Variants in PTPRD observed in about 807,000 individuals in gnomAD.
PTPRD encodes protein tyrosine phosphatase receptor type D.
A neutral mutation model predicts 214.5 loss-of-function variants in PTPRD; 34 were observed. The ratio of observed to expected loss-of-function variants is 0.16; its 90% CI spans 0.12 to 0.21. The LOEUF is 0.21. Among genes scored for constraint, PTPRD ranks in the 10% least tolerant of loss-of-function variants. The pLI is 1.00. For missense variants in PTPRD, 2,545 were observed against 2,398.7 expected (o/e 1.06, Z -1.27); for synonymous variants, 1,128 against 845.7 (o/e 1.33, Z -5.79).
chr9:8,560,989 T>C (rs1421061370), intron 14 of PTPRD, among the ~76,000 whole-genome samples: 1 of 150,194 alleles, frequency 6.7e-6, no homozygotes, highest in East Asian at 2.0e-4. Context: ...GTCAAATGCC[T>C]AGTCAGATGG....
At chr9:9,309,494 T>C (rs1239976241) in intron 9 of PTPRD, among the ~76,000 whole-genome samples, 1 of 152,172 alleles carries the variant, frequency 6.6e-6, no homozygotes, top group Non-Finnish European at 1.5e-5. Flanking sequence ...TATTCTAATG[T>C]TTATAATTTT....
chr9:9,695,654 T>C (rs1249900458), intron 7 of PTPRD, among the ~76,000 whole-genome samples: 1 of 152,224 alleles, frequency 6.6e-6, no homozygotes, highest in South Asian at 2.1e-4. Context: ...ATCTATGAAA[T>C]GATCAAATGT....
At chr9:10,303,475 C>G (rs972034887) in intron 3 of PTPRD, among the ~76,000 whole-genome samples, 3 of 151,894 alleles carry the variant, frequency 2.0e-5, no homozygotes, top group Non-Finnish European at 4.4e-5. Flanking sequence ...AATCCAGGAG[C>G]TGTTTTTTAT....
chr9:9,905,988 G>A (rs2077477096), intron 5 of PTPRD, among the ~76,000 whole-genome samples: 1 of 151,898 alleles, frequency 6.6e-6, no homozygotes, highest in South Asian at 2.1e-4. Flanking sequence ...TAAGCCAGAT[G>A]CTCTAGGCAA....
intron 3 of PTPRD, among the ~76,000 whole-genome samples, chr9:10,256,979 A>G (rs2093332816): frequency 6.6e-6 from 1 of 152,136 alleles, no homozygotes. Context: ...TATATACTCT[A>G]TATATCAATA....
intron 3 of PTPRD, among the ~76,000 whole-genome samples, chr9:10,169,345 G>A (rs2099184297): frequency 6.6e-6 from 1 of 151,318 alleles, no homozygotes; most frequent in Admixed American, 6.6e-5. Flanking sequence ...GTGGTGGCGG[G>A]CACCTGTAAT....
At chr9:9,675,859 T>C (rs546286389) in intron 7 of PTPRD, among the ~76,000 whole-genome samples, 34 of 151,966 alleles carry the variant, frequency 2.2e-4, no homozygotes, top group Admixed American at 3.9e-4. Context: ...CAGGCAAAAA[T>C]AGTATGAGAG....
At chr9:8,854,039 A>G (rs1312699248) in intron 11 of PTPRD, among the ~76,000 whole-genome samples, 1 of 152,184 alleles carries the variant, frequency 6.6e-6, no homozygotes, top group Non-Finnish European at 1.5e-5. Flanking sequence ...AATTATATCT[A>G]TATTTAGCAC....
chr9:9,710,268 G>A (rs2097700507), intron 7 of PTPRD, among the ~76,000 whole-genome samples: 1 of 151,840 alleles, frequency 6.6e-6, no homozygotes, highest in Non-Finnish European at 1.5e-5. Flanking sequence ...AGGTTATTTG[G>A]CTAATTTACA....
chr9:10,425,337 A>G (rs1009442078), intron 2 of PTPRD, among the ~76,000 whole-genome samples: 3 of 151,980 alleles, frequency 2.0e-5, no homozygotes, highest in African/African-American at 4.8e-5. Context: ...CATTAAACCA[A>G]TATTTCCCTC....
chr9:9,246,847 G>A (rs1402928239), intron 9 of PTPRD, among the ~76,000 whole-genome samples: 1 of 151,992 alleles, frequency 6.6e-6, no homozygotes, highest in African/African-American at 2.4e-5. Flanking sequence ...GAAGAAGAAT[G>A]TTGTGGTTCA....
At chr9:9,117,217 T>G (rs1434302923) in intron 10 of PTPRD, among the ~76,000 whole-genome samples, 1 of 150,522 alleles carries the variant, frequency 6.6e-6, no homozygotes, top group South Asian at 2.1e-4. Context: ...CTCAGGAAAT[T>G]AAGTTTTTTT....
chr9:9,556,903 G>C (rs1190002833), intron 8 of PTPRD, among the ~76,000 whole-genome samples: 1 of 152,136 alleles, frequency 6.6e-6, no homozygotes. Flanking sequence ...ATCTCAGACA[G>C]TATCTTCAAT....
At chr9:10,372,453 T>C (rs1008959355) in intron 2 of PTPRD, among the ~76,000 whole-genome samples, 1 of 152,116 alleles carries the variant, frequency 6.6e-6, no homozygotes, top group Non-Finnish European at 1.5e-5. Flanking sequence ...CATATCTGGA[T>C]TGTAGCTCAT....
intron 2 of PTPRD, among the ~76,000 whole-genome samples, chr9:10,360,410 C>T (rs1393166728): frequency 6.6e-6 from 1 of 152,246 alleles, no homozygotes; most frequent in Non-Finnish European, 1.5e-5. Flanking sequence ...AGCCATTCTG[C>T]AGGGCATGTC....
In PTPRD at chr9:10,248,864, A is replaced by C. The variant is rs375394402; in HGVS notation, c.-545+92099T>G. On this transcript the variant is annotated intron_variant, in intron 3 of 45. Coordinates refer to ENST00000381196, the MANE Select transcript of PTPRD (RefSeq NM_002839.4). ...CTGTACATAAGCTTCTTATGCACAGAGGTGATATTTTATCTTTTTTTTAGC... is the reference window on the plus strand; with the variant it reads ...CTGTACATAAGCTTCTTATGCACAGCGGTGATATTTTATCTTTTTTTTAGC... Among the ~76,000 whole-genome samples, 6 of 121,674 alleles carry C rather than the reference A, an allele frequency of 4.9e-5. No homozygotes were observed. The South Asian group carries it at 1.9e-3, about 38-fold the overall frequency. 79.8% of individuals were successfully genotyped at this position (121,674 alleles called of 152,430 possible).
At chr9:10,559,329 T>C (rs2475432) in intron 2 of PTPRD, among the ~76,000 whole-genome samples, 2 of 152,022 alleles carry the variant, frequency 1.3e-5, no homozygotes, top group African/African-American at 4.8e-5. Flanking sequence ...TACTATGCTA[T>C]CCATTAACCA....
At chr9:9,900,641 G>GTTTTTCTTTTTGTTTTTT (rs2076165931) in intron 5 of PTPRD, among the ~76,000 whole-genome samples, 4 of 120,086 alleles carry the variant, frequency 3.3e-5, no homozygotes, top group African/African-American at 1.2e-4. Flanking sequence ...ACATTTTCAG[G>GTTTTTCTTTTTGTTTTTT]TTTTTTTTTT....
At chr9:9,348,239 G>A (rs1291654561) in intron 9 of PTPRD, among the ~76,000 whole-genome samples, 1 of 152,038 alleles carries the variant, frequency 6.6e-6, no homozygotes, top group Non-Finnish European at 1.5e-5. Context: ...CTCTCTTTGG[G>A]TGATCTCAAT....
Sources: allele counts gnomAD v4.1 joint callset (sites outside exome capture counted in the v4.1 genomes callset), GRCh38; gene constraint gnomAD v4.1.1; transcripts MANE v1.5; gene names NCBI Gene and HGNC (gene_info 2026-07-23, HGNC 2026-07-21).